The following E2F7 variants were observed in gnomAD, a reference collection of about 807,000 sequenced individuals.
E2F7 encodes the protein E2F transcription factor 7, also known as transcription factor E2F7.
A neutral mutation model predicts 81.1 loss-of-function variants in E2F7; 35 were observed. The observed-to-expected ratio is 0.43, with a 90% CI of 0.33 to 0.57. The LOEUF is 0.57. Ranked by LOEUF, E2F7 falls within the 20% of genes least tolerant of loss-of-function variation. The pLI, the probability that E2F7 is intolerant of heterozygous loss-of-function variation, is 0.04. For missense variants in E2F7, 961 were observed against 1,093.7 expected, an observed-to-expected ratio of 0.88 and a Z score of 1.71; for synonymous variants, 416 against 416.2, an observed-to-expected ratio of 1.00 and a Z score of 0.01.
At chr12:77,049,028 C>T (rs955773040) in intron 4 of E2F7, among the ~76,000 whole-genome samples, 5 of 152,158 alleles carry the variant, frequency 3.3e-5, no homozygotes, top group African/African-American at 1.2e-4. Context: ...ACCCAAAAGC[C>T]CTCAACTGGA....
chr12:77,026,224 A>G (rs915480338), intron 11 of E2F7, among the ~76,000 whole-genome samples: 4 of 152,218 alleles, frequency 2.6e-5, no homozygotes, highest in Non-Finnish European at 5.9e-5. Flanking sequence ...TTTTAACATG[A>G]GTTCCACTGA....
chr12:77,022,597 C>G lies in E2F7; in HGVS notation c.*1418G>C, dbSNP rs974405477. 1 of 151,762 alleles carries G rather than the reference C, an allele frequency of 6.6e-6. No homozygotes were observed. Among genetic ancestry groups the G allele is most frequent in the South Asian group, 2.1e-4 (1 of 4,786 alleles). The allele number at this position is 151,762 out of a possible 1,614,324, so 9.4% of individuals were successfully genotyped here. On this transcript the variant is annotated 3_prime_UTR_variant, in exon 13 of 13. Coordinates refer to ENST00000322886, the MANE Select transcript of E2F7 (RefSeq NM_203394.3). ...AAAACCCTACACCAGGATTCTACAT[C>G]TAAGATAGTTTTAAGAGAGGAAGAG...
At chr12:77,064,965 C>T (rs1955106442) in intron 1 of E2F7, among the ~76,000 whole-genome samples, 1 of 152,150 alleles carries the variant, frequency 6.6e-6, no homozygotes. Flanking sequence ...TACAGGGTCT[C>T]CCAGGTCAGT....
chr12:77,049,311 G>A lies in E2F7; in HGVS notation c.538+1265C>T, dbSNP rs193196906. On this transcript the variant is annotated intron_variant, in intron 4 of 12. Coordinates refer to ENST00000322886, the MANE Select transcript of E2F7 (RefSeq NM_203394.3). The stretch of plus-strand genomic sequence containing the variant: ...TCCTAGAATACTATATTATACTTCT[G>A]GGCTCCAAATCGGCCCCCAAACCAT... Among the ~76,000 whole-genome samples, 157 of 152,028 alleles carry A rather than the reference G, an allele frequency of 1.0e-3. 1 individual carries two copies. Among genetic ancestry groups the A allele is most frequent in the Middle Eastern group, 3.4e-3 (1 of 294 alleles).
chr12:77,051,212 G>A (rs1954985034), intron 3 of E2F7, among the ~76,000 whole-genome samples: 1 of 152,122 alleles, frequency 6.6e-6, no homozygotes. Flanking sequence ...TCGACCAAAG[G>A]TTGATGAAAG....
Position 77,023,898 on chromosome 12 carries a change from G to A in E2F7, c.*117C>T, listed in dbSNP as rs1954734582. The A allele has an allele frequency of 3.3e-6, 4 of 1,224,648 alleles. No individual in the cohort carries two copies. The highest frequency in any genetic ancestry group is 4.6e-5 in the Admixed American group (2 of 43,012). 75.9% of individuals were successfully genotyped at this position (1,224,648 alleles called of 1,614,324 possible). A position where few individuals can be genotyped will look rare whatever the true frequency, so the allele number is the denominator to read the frequency against. On this transcript the variant is annotated 3_prime_UTR_variant, in exon 13 of 13. Transcript: ENST00000322886. ...TGATGGTGGTGGGAAGTTAACAGAA[G>A]TGTGGATGAAAGAGAGAGGAAGGAC...
intron 7 of E2F7, among the ~76,000 whole-genome samples, chr12:77,034,993 T>G (rs948451615): frequency 1.3e-5 from 2 of 152,208 alleles, no homozygotes; most frequent in Non-Finnish European, 2.9e-5. Flanking sequence ...GGGCCATATC[T>G]GCCTCCTTCT....
chr12:77,021,731 A>G lies in E2F7; in HGVS notation c.*2284T>C, dbSNP rs1954712301. ...TTATTTTTTTCTTTTACTAAATTAT[A>G]CAATAATAGACTCAAGATTGCCATT... On this transcript the variant is annotated 3_prime_UTR_variant, in exon 13 of 13. Coordinates refer to ENST00000322886, the MANE Select transcript of E2F7 (RefSeq NM_203394.3). 6.6e-6 allele frequency: 1 copy of G among 152,384 alleles called. No individual in the cohort carries two copies. The highest frequency in any genetic ancestry group is 1.5e-5 in the Non-Finnish European group (1 of 68,030). The allele number at this position is 152,384 out of a possible 1,614,324, so 9.4% of individuals were successfully genotyped here.
chr12:77,028,681 A>G (rs375765373), intron 10 of E2F7, among the ~76,000 whole-genome samples: 1 of 151,880 alleles, frequency 6.6e-6, no homozygotes. Flanking sequence ...TCACTGTTTC[A>G]GCCAGGATGG....
At chr12:77,045,815 G>A in intron 5 of E2F7, 1 of 546,400 alleles carries the variant, frequency 1.8e-6, no homozygotes, top group South Asian at 3.3e-5. Flanking sequence ...CTCCCAACAG[G>A]CCAAACTCGA....
intron 4 of E2F7, 41 bp downstream of exon 4, chr12:77,050,534 TG>T: frequency 1.2e-6 from 2 of 1,600,056 alleles, no homozygotes; most frequent in Non-Finnish European, 1.7e-6. Context: ...AGTTTCCCAC[TG>T]TAACTGGAGA....
intron 11 of E2F7, 152 bp downstream of exon 11, chr12:77,027,731 T>G: frequency 9.5e-7 from 1 of 1,056,772 alleles, no homozygotes; most frequent in Non-Finnish European, 1.3e-6. Context: ...TCTCCCTTCA[T>G]TTATAGATGG....
chr12:77,035,975 G>T (rs1954845975), intron 7 of E2F7, among the ~76,000 whole-genome samples: 1 of 9,598 alleles, frequency 1.0e-4, no homozygotes, highest in African/African-American at 5.3e-4. Flanking sequence ...TAGAAATAAA[G>T]AATATGAATA....
intron 7 of E2F7, among the ~76,000 whole-genome samples, chr12:77,036,604 T>G (rs1954851544): frequency 6.6e-6 from 1 of 152,134 alleles, no homozygotes; most frequent in Non-Finnish European, 1.5e-5. Flanking sequence ...TTCTTTTATT[T>G]ATTTGAGACA....
chr12:77,062,930 T>A (rs953486690), intron 2 of E2F7, among the ~76,000 whole-genome samples: 3 of 151,836 alleles, frequency 2.0e-5, no homozygotes, highest in Non-Finnish European at 2.9e-5. Flanking sequence ...CTTCACTTTA[T>A]CTGTGGTTTC....
rs1229732910 is a variant in E2F7, at chr12:77,050,694, T to C, written c.420A>G (p.Pro140=). Residue 140 remains proline (P), a synonymous_variant, in exon 4 of 13, where the codon CCA becomes CCG. Transcript: ENST00000322886. The part of the protein sequence containing the change: ...SAVDEFEKQR[P]SRKQKSLGLL... ...GTCCTAAACTTTTCTGTTTTCTGCTTGGCCTTTGCTTTTCAAATTCGTCCA... is the reference window on the plus strand; with the variant it reads ...GTCCTAAACTTTTCTGTTTTCTGCTCGGCCTTTGCTTTTCAAATTCGTCCA... The C allele has an allele frequency of 6.2e-7, 1 of 1,613,902 alleles. No homozygotes were observed. Among genetic ancestry groups the C allele is most frequent in the Non-Finnish European group, 8.5e-7 (1 of 1,179,978 alleles).
At position 77,025,942 on chromosome 12, in the gene E2F7, G is replaced by T. The variant is rs760282892; in HGVS notation, c.2181C>A (p.Thr727=). The T allele has an allele frequency of 8.1e-6, 13 of 1,612,626 alleles. No homozygotes were observed. Among genetic ancestry groups the T allele is most frequent in the Non-Finnish European group, 1.0e-5 (12 of 1,179,444 alleles). The change falls in exon 12 of 13, where the codon ACC becomes ACA. Residue 727 remains threonine (T), a synonymous_variant. Coordinates refer to ENST00000322886, the MANE Select transcript of E2F7 (RefSeq NM_203394.3). ...CTGAGGACGGGCCCACAGTAGGGGG[G>T]GTTTGACTGCCAGATAAAAGTACAT... ...GFNVLLSGSQ[T]PPTVGPSSGQ... is the part of the protein sequence containing the mutation.
chr12:77,039,970 C>A (rs568866651), intron 7 of E2F7, among the ~76,000 whole-genome samples: 1 of 151,950 alleles, frequency 6.6e-6, no homozygotes, highest in Non-Finnish European at 1.5e-5. Context: ...TGAAAGGAGC[C>A]GGACCAAAAG....
intron 5 of E2F7, 82 bp from the exon 6 acceptor site, chr12:77,044,877 T>C (rs1954925961): frequency 6.7e-7 from 1 of 1,486,588 alleles, no homozygotes; most frequent in Admixed American, 2.0e-5. Context: ...CAAAATGATC[T>C]AGCCCTATCA....
Sources: gnomAD v4.1 joint callset for allele counts (sites outside exome capture counted in the v4.1 genomes callset) on GRCh38, gnomAD v4.1.1 for gene constraint, MANE v1.5 for transcripts, NCBI Gene and HGNC (gene_info 2026-07-23, HGNC 2026-07-21) for gene names.